Variants in ZNF362 observed in about 807,000 individuals in gnomAD.
ZNF362 encodes the protein zinc finger protein 362.
Under a neutral mutation model 42.9 loss-of-function variants are expected in ZNF362, and 11 were observed. That is an observed-to-expected ratio of 0.26 (90% CI 0.16 to 0.42). ZNF362 has a LOEUF of 0.42. ZNF362 is among the 20% of genes least tolerant of loss of function. The pLI, the probability that ZNF362 is intolerant of heterozygous loss-of-function variation, is 1.00. For synonymous variants in ZNF362, 255 were observed against 257.3 expected (o/e 0.99, Z 0.09); for missense variants, 362 against 576.2 (o/e 0.63, Z 3.81).
At chr1:33,192,637 A>G in the ZNF362 span, among the ~76,000 whole-genome samples, 1 of 152,192 alleles carries the variant, frequency 6.6e-6, no homozygotes, top group South Asian at 2.1e-4. Context: ...GAAATAACGC[A>G]TATGAAGGGT....
At chr1:33,157,356 A>C in the ZNF362 span, among the ~76,000 whole-genome samples, 1 of 152,072 alleles carries the variant, frequency 6.6e-6, no homozygotes, top group East Asian at 1.9e-4. Context: ...CCATGCCAGG[A>C]GCACTCTTCC....
the ZNF362 span, among the ~76,000 whole-genome samples, chr1:33,235,429 G>A: frequency 6.6e-6 from 1 of 152,200 alleles, no homozygotes; most frequent in Non-Finnish European, 1.5e-5. Context: ...TTGGAAAAGT[G>A]AGGTGTCATT....
At chr1:33,285,951 T>C (rs924253564) in intron 6 of ZNF362, among the ~76,000 whole-genome samples, 2 of 152,032 alleles carry the variant, frequency 1.3e-5, no homozygotes, top group African/African-American at 4.8e-5. Context: ...TAATTCCAGC[T>C]ACTTAGGAGG....
At chr1:33,260,687 C>T (rs1570379785) in intron 1 of ZNF362, among the ~76,000 whole-genome samples, 1 of 152,090 alleles carries the variant, frequency 6.6e-6, no homozygotes, top group Non-Finnish European at 1.5e-5. Flanking sequence ...GTGGCTGGGG[C>T]TTTTGTAGAG....
chr1:33,180,525 C>T, the ZNF362 span, among the ~76,000 whole-genome samples: 3 of 152,162 alleles, frequency 2.0e-5, no homozygotes, highest in African/African-American at 7.2e-5. Flanking sequence ...TCCTCTTAGT[C>T]CTGATGCACA....
intron 4 of ZNF362, among the ~76,000 whole-genome samples, chr1:33,278,278 C>T (rs919761887): frequency 6.6e-6 from 1 of 152,102 alleles, no homozygotes; most frequent in Non-Finnish European, 1.5e-5. Context: ...TTTTGCTGAG[C>T]TTGTGGTAGG....
Position 33,276,608 on chromosome 1 carries a change from G to A in ZNF362, c.349+14G>A, listed in dbSNP as rs1180316996. 7.6e-7 allele frequency: 1 copy of A among 1,318,796 alleles called. No individual in the cohort carries two copies. The highest frequency in any genetic ancestry group is 9.6e-7 in the Non-Finnish European group (1 of 1,037,798). 81.7% of individuals were successfully genotyped at this position (1,318,796 alleles called of 1,614,324 possible). The stretch of plus-strand genomic sequence containing the variant: ...GCACCGTCACAGGTAGGCCGAGCGG[G>A]CGGGGCCGGCGGGGCCGGTGAGGAC... On this transcript the variant is annotated intron_variant, in intron 4 of 8. Transcript: ENST00000539719.
the ZNF362 span, among the ~76,000 whole-genome samples, chr1:33,207,145 C>T: frequency 6.6e-6 from 1 of 151,674 alleles, no homozygotes; most frequent in Non-Finnish European, 1.5e-5. Flanking sequence ...GCTCCCCTCC[C>T]TGTGTCCATG....
chr1:33,136,630 A>G, the ZNF362 span, among the ~76,000 whole-genome samples: 1 of 151,672 alleles, frequency 6.6e-6, no homozygotes, highest in South Asian at 2.1e-4. Context: ...TCAGCCTCCC[A>G]AAGTGCTGGG....
At chr1:33,136,321 T>C in the ZNF362 span, among the ~76,000 whole-genome samples, 1 of 148,590 alleles carries the variant, frequency 6.7e-6, no homozygotes, top group South Asian at 2.1e-4. Context: ...TCTTTCTTTT[T>C]CTTTCTTTCC....
chr1:33,158,386 A>G, the ZNF362 span: 2 of 1,608,544 alleles, frequency 1.2e-6, no homozygotes, highest in Non-Finnish European at 1.7e-6. Context: ...GAGAGCAGGA[A>G]AGGGGGCTGC....
chr1:33,238,363 T>TTAA, the ZNF362 span, among the ~76,000 whole-genome samples: 1 of 71,720 alleles, frequency 1.4e-5, no homozygotes, highest in African/African-American at 5.4e-5. Context: ...TAAAATAAAA[T>TTAA]AATAAAATAA....
rs1377428048 is a variant in ZNF362 at position 33,276,575 on chromosome 1, G to A, written c.330G>A (p.Pro110=). ...CCGACGTGGCGCTGCACGCACGGCC[G>A]GCCACCAGCACCGTCACAGGTAGGC... ...PQPDVALHAR[P]ATSTVTGLGL... is the part of the protein sequence containing the mutation. The change falls in exon 4 of 9, where the codon CCG becomes CCA. Residue 110 remains proline, a synonymous_variant. Transcript: ENST00000539719. The A allele has an allele frequency of 1.9e-5, 26 of 1,377,352 alleles. No homozygotes were observed. The highest frequency in any genetic ancestry group is 3.6e-5 in the Admixed American group (1 of 27,464). The allele number at this position is 1,377,352 out of a possible 1,614,324, so 85.3% of individuals were successfully genotyped here. A position where few individuals can be genotyped will look rare whatever the true frequency, so the allele number is the denominator to read the frequency against.
chr1:33,202,594 T>TAAA, the ZNF362 span, among the ~76,000 whole-genome samples: 15 of 137,390 alleles, frequency 1.1e-4, no homozygotes, highest in South Asian at 2.4e-4. Context: ...CGAGACTCCA[T>TAAA]AAAAAAAAAA....
chr1:33,206,817 T>A, the ZNF362 span, among the ~76,000 whole-genome samples: 2 of 152,128 alleles, frequency 1.3e-5, no homozygotes, highest in Non-Finnish European at 2.9e-5. Flanking sequence ...GGAAAATTAG[T>A]ATATAAAATA....
intron 4 of ZNF362, among the ~76,000 whole-genome samples, chr1:33,277,126 C>T (rs1645956924): frequency 1.3e-5 from 2 of 152,200 alleles, no homozygotes; most frequent in Admixed American, 6.5e-5. Context: ...CAGTCGAGCG[C>T]CTGTGTCTGT....
chr1:33,213,499 T>C, the ZNF362 span, among the ~76,000 whole-genome samples: 1 of 152,120 alleles, frequency 6.6e-6, no homozygotes, highest in Non-Finnish European at 1.5e-5. Context: ...TGAATTTAAA[T>C]AAGTATTGAT....
chr1:33,223,532 C>A, the ZNF362 span, among the ~76,000 whole-genome samples: 2 of 152,218 alleles, frequency 1.3e-5, no homozygotes, highest in South Asian at 4.1e-4. Flanking sequence ...TTACCATTTA[C>A]CTCCTTCATA....
intron 4 of ZNF362, among the ~76,000 whole-genome samples, chr1:33,279,314 C>T (rs890641007): frequency 3.3e-5 from 5 of 152,092 alleles, no homozygotes; most frequent in Non-Finnish European, 7.4e-5. Context: ...CGTGAGCCGC[C>T]GTGCTTGGCC....
Sources: gnomAD v4.1 joint callset for allele counts (sites outside exome capture counted in the v4.1 genomes callset) on GRCh38, gnomAD v4.1.1 for gene constraint, MANE v1.5 for transcripts, NCBI Gene and HGNC (gene_info 2026-07-23, HGNC 2026-07-21) for gene names.